FBXO10: variants seen among roughly 807,000 people sequenced by gnomAD.
FBXO10 encodes the protein F-box only protein 10.
A neutral mutation model predicts 80.7 loss-of-function variants in FBXO10; 39 were observed. The ratio of observed to expected loss-of-function variants is 0.48; its 90% CI spans 0.37 to 0.63. FBXO10 has a LOEUF of 0.63. Among genes scored for constraint, FBXO10 ranks in the 30% least tolerant of loss-of-function variants. FBXO10 has a pLI of 0.00. For missense variants in FBXO10, 1,025 were observed against 1,269.0 expected, an observed-to-expected ratio of 0.81 and a Z score of 2.92; for synonymous variants, 449 against 489.6, an observed-to-expected ratio of 0.92 and a Z score of 1.09.
intron 3 of FBXO10, among the ~76,000 whole-genome samples, chr9:37,534,356 G>A (rs761709783): frequency 3.9e-5 from 6 of 152,142 alleles, no homozygotes; most frequent in East Asian, 1.9e-4. Context: ...CTGGACAACC[G>A]GCTAGCCTGA....
At chr9:37,529,592 C>T (rs1821565184) in intron 4 of FBXO10, among the ~76,000 whole-genome samples, 1 of 152,132 alleles carries the variant, frequency 6.6e-6, no homozygotes, top group African/African-American at 2.4e-5. Flanking sequence ...ATCATTTGGC[C>T]AGGCCATAAC....
At chr9:37,526,045 C>G (rs1216076924) in intron 5 of FBXO10, among the ~76,000 whole-genome samples, 1 of 151,802 alleles carries the variant, frequency 6.6e-6, no homozygotes, top group Non-Finnish European at 1.5e-5. Context: ...ATCTCACCTC[C>G]AGAAAGGATC....
At chr9:37,538,252 G>A (rs1485973051) in intron 2 of FBXO10, among the ~76,000 whole-genome samples, 3 of 152,176 alleles carry the variant, frequency 2.0e-5, no homozygotes, top group Non-Finnish European at 2.9e-5. Context: ...TCTCAATCAC[G>A]TGCCAGGGCT....
At chr9:37,559,193 G>T (rs1822414906) in intron 1 of FBXO10, among the ~76,000 whole-genome samples, 1 of 152,196 alleles carries the variant, frequency 6.6e-6, no homozygotes, top group Non-Finnish European at 1.5e-5. Context: ...CATCACCTGA[G>T]AATCACCTGG....
At chr9:37,531,385 C>A (rs1821618696) in intron 4 of FBXO10, among the ~76,000 whole-genome samples, 1 of 152,204 alleles carries the variant, frequency 6.6e-6, no homozygotes, top group Non-Finnish European at 1.5e-5. Context: ...AGAAAAGGAG[C>A]TGGTCTCTCG....
At chr9:37,542,251 C>T (rs1189551190) in intron 1 of FBXO10, among the ~76,000 whole-genome samples, 1 of 152,156 alleles carries the variant, frequency 6.6e-6, no homozygotes, top group African/African-American at 2.4e-5. Flanking sequence ...GATTTTTCCA[C>T]CAGGAATTAG....
chr9:37,532,351 A>AGTG lies in FBXO10; in HGVS notation c.1420-296_1420-294dup, dbSNP rs1290669038. Among the ~76,000 whole-genome samples the AGTG allele has an allele frequency of 1.4e-4, 19 of 133,596 alleles. No homozygotes were observed. In the East Asian group the frequency reaches 3.8e-3, roughly 27 times the overall value. 87.6% of individuals were successfully genotyped at this position (133,596 alleles called of 152,430 possible). ...GGTCTTGCTCTGTTGCCCAGGCTGG[A>AGTG]GTGCAGTGGCATGATCTCGGCTTAC... On this transcript the variant is annotated intron_variant, in intron 3 of 10. Coordinates refer to ENST00000432825, the MANE Select transcript of FBXO10 (RefSeq NM_012166.3).
Position 37,531,953 on chromosome 9 carries a change from C to G in FBXO10, c.1525G>C (p.Glu509Gln), listed in dbSNP as rs761623187. The G allele has an allele frequency of 2.5e-6, 4 of 1,614,018 alleles. No individual in the cohort carries two copies. In the South Asian group the frequency reaches 4.4e-5, roughly 18 times the overall value. Reference sequence around the variant, plus strand: ...TTTTTCCGGATGTCTACACCAGCCTCTGCATTGTGGTAAATGTTGTTGCCG... The same window carrying G: ...TTTTTCCGGATGTCTACACCAGCCTGTGCATTGTGGTAAATGTTGTTGCCG... ...IAGNNIYHNA[E>Q]AGVDIRKKSN... The change falls in exon 4 of 11, where the codon GAG becomes CAG. Residue 509 changes from glutamate (E) to glutamine (Q), a missense_variant. Physicochemically the swap from Glu to Gln is conservative, Grantham distance 29. Around this residue, in one of 3 missense-constraint regions of FBXO10, gnomAD observed 478 missense variants for 667.8 expected, o/e 0.72. Transcript: ENST00000432825.
rs1821804526 is a variant in FBXO10 at position 37,537,604 on chromosome 9, AG to A, written c.924del (p.Cys309ValfsTer50). ...TGGCTGCCCTCGATAACAATGTCAC[AG>A]GTCTTTGGGCTCCAGGCCTGGTCCC... ...ESRDQAWSPK[T>X]CDIVIEGSQS... On this transcript the variant is annotated frameshift_variant, in exon 3 of 11. Transcript: ENST00000432825. LOFTEE classifies it high-confidence loss of function. 3.1e-6 allele frequency: 5 copies of A among 1,613,814 alleles called. No individual in the cohort carries two copies. The highest frequency in any genetic ancestry group is 4.2e-6 in the Non-Finnish European group (5 of 1,179,890).
rs761710834 is a variant in FBXO10, at chr9:37,518,379, C to T, written c.2260G>A (p.Ala754Thr). 9.3e-6 allele frequency: 15 copies of T among 1,613,570 alleles called. No homozygotes were observed. Among genetic ancestry groups the T allele is most frequent in the African/African-American group, 4.0e-5 (3 of 74,912 alleles). ...ALHVITNVIH[A>T]NGDRGITVAQ... The stretch of plus-strand genomic sequence containing the variant: ...ACAGTAATGCCTCTGTCCCCATTCG[C>T]GTGGATCACATTGGTGATGACATGC... The change falls in exon 9 of 11, where the codon GCG becomes ACG. Residue 754 changes from alanine to threonine, a missense_variant. Around this residue, in one of 3 missense-constraint regions of FBXO10, gnomAD observed 478 missense variants for 667.8 expected, o/e 0.72. Transcript: ENST00000432825.
intron 5 of FBXO10, among the ~76,000 whole-genome samples, chr9:37,526,818 ATATTTTATT>A (rs1821484697): frequency 7.4e-6 from 1 of 135,846 alleles, no homozygotes; most frequent in South Asian, 2.4e-4. Context: ...ATTTTTTAAA[ATATTTTATT>A]TATTTATTTA....
chr9:37,541,232 C>T lies in FBXO10; in HGVS notation c.537G>A (p.Leu179=), dbSNP rs1334905569. 4.3e-6 allele frequency: 7 copies of T among 1,612,694 alleles called. No homozygotes were observed. Among genetic ancestry groups the T allele is most frequent in the Admixed American group, 3.3e-5 (2 of 59,874 alleles). Residue 179 remains leucine, a synonymous_variant, in exon 2 of 11, where the codon CTG becomes CTA. Transcript: ENST00000432825. ...SIDQHCSTTR[L]CNLVFTPAWF... ...AGGCTGGCGTGAAGACGAGGTTGCA[C>T]AGGCGTGTGGTTGAGCAGTGCTGAT... is the stretch of plus-strand genomic sequence containing the variant.
At chr9:37,570,876 C>T (rs1001491724) in intron 1 of FBXO10, among the ~76,000 whole-genome samples, 8 of 152,040 alleles carry the variant, frequency 5.3e-5, no homozygotes, top group African/African-American at 1.7e-4. Flanking sequence ...TGCCTGTAGT[C>T]CCAGCTACTC....
In FBXO10 at chr9:37,518,537, C is replaced by T. The variant is rs563859879; in HGVS notation, c.2201-99G>A. 341 of 1,023,952 alleles carry T rather than the reference C, an allele frequency of 3.3e-4. 4 individuals carry two copies. In the South Asian group the frequency reaches 5.3e-3, roughly 16 times the overall value. 63.4% of individuals were successfully genotyped at this position (1,023,952 alleles called of 1,614,324 possible). A position where few individuals can be genotyped will look rare whatever the true frequency, so the allele number is the denominator to read the frequency against. The stretch of plus-strand genomic sequence containing the variant: ...CCCTGAATTGTGCACTCCGGGAGAA[C>T]GGAGTGGAGAAGAAGAGGTACCAAC... On this transcript the variant is annotated intron_variant, in intron 8 of 10. Transcript: ENST00000432825.
chr9:37,528,061 A>G (rs1821518259), intron 5 of FBXO10, among the ~76,000 whole-genome samples: 1 of 152,242 alleles, frequency 6.6e-6, no homozygotes, highest in Non-Finnish European at 1.5e-5. Flanking sequence ...GCTGGGGGAA[A>G]GCGCTCTGAA....
intron 2 of FBXO10, among the ~76,000 whole-genome samples, chr9:37,539,759 G>A (rs1340705296): frequency 6.6e-6 from 1 of 152,162 alleles, no homozygotes; most frequent in Non-Finnish European, 1.5e-5. Flanking sequence ...GCATTTAGAT[G>A]AGAAGGCCTG....
intron 6 of FBXO10, 45 bp downstream of exon 6, chr9:37,525,057 G>A (rs1326422856): frequency 2.0e-6 from 3 of 1,522,586 alleles, no homozygotes; most frequent in South Asian, 1.2e-5. Context: ...TGACGCCAGG[G>A]GACCTTGGCC....
At position 37,549,455 on chromosome 9, in the gene FBXO10, C is replaced by G. The variant is rs1278516976; in HGVS notation, c.-6-7681G>C. ...CCCCCTAAAAGCCTCTCTGTGTCCC[C>G]CATTCCAACGCTTCCTCAAAAAGTA... is the stretch of plus-strand genomic sequence containing the variant. On this transcript the variant is annotated intron_variant, in intron 1 of 10. Transcript: ENST00000432825. 2.0e-5 allele frequency among the ~76,000 whole-genome samples: 3 copies of G among 152,190 alleles called. No homozygotes were observed. The East Asian group carries it at 5.8e-4, about 29-fold the overall frequency.
chr9:37,527,083 T>G (rs1821496260), intron 5 of FBXO10, among the ~76,000 whole-genome samples: 1 of 152,122 alleles, frequency 6.6e-6, no homozygotes, highest in Non-Finnish European at 1.5e-5. Context: ...ACTCCTGACC[T>G]CAAGTGATCT....
Sources: allele counts gnomAD v4.1 joint callset (sites outside exome capture counted in the v4.1 genomes callset), GRCh38; gene constraint gnomAD v4.1.1; regional missense constraint gnomAD v4.1.1; transcripts MANE v1.5; gene names NCBI Gene and HGNC (gene_info 2026-07-23, HGNC 2026-07-21).